LRMDA: variants seen among roughly 807,000 people sequenced by gnomAD.
LRMDA encodes the protein leucine rich melanocyte differentiation associated.
A neutral mutation model predicts 29.8 loss-of-function variants in LRMDA; 18 were observed. The ratio of observed to expected loss-of-function variants is 0.60; its 90% CI spans 0.42 to 0.90. The LOEUF is 0.90. Among genes scored for constraint, LRMDA ranks in the 40% least tolerant of loss-of-function variants. LRMDA has a pLI of 0.00. For synonymous variants in LRMDA, 125 were observed against 109.4 expected (o/e 1.14, Z -0.89); for missense variants, 273 against 273.9 (o/e 1.00, Z 0.02).
At chr10:75,953,236 C>T (rs1456641749) in intron 2 of LRMDA, among the ~76,000 whole-genome samples, 1 of 152,066 alleles carries the variant, frequency 6.6e-6, no homozygotes, top group Non-Finnish European at 1.5e-5. Context: ...CCATGCCCAG[C>T]TAATCGGTTT....
At chr10:75,982,082 C>T (rs1308894515) in intron 2 of LRMDA, among the ~76,000 whole-genome samples, 1 of 152,124 alleles carries the variant, frequency 6.6e-6, no homozygotes, top group Non-Finnish European at 1.5e-5. Context: ...CCCCTGATAT[C>T]CAGCACTCTC....
chr10:75,863,451 T>C (rs1174515168), intron 2 of LRMDA, among the ~76,000 whole-genome samples: 2 of 152,182 alleles, frequency 1.3e-5, no homozygotes, highest in Admixed American at 6.5e-5. Flanking sequence ...TGAGCACTTT[T>C]CTTACAGCTT....
intron 2 of LRMDA, among the ~76,000 whole-genome samples, chr10:75,960,807 G>T (rs945508783): frequency 2.0e-5 from 3 of 151,990 alleles, no homozygotes; most frequent in African/African-American, 7.3e-5. Flanking sequence ...AGTAGAGACT[G>T]GGTTTCACCG....
intron 6 of LRMDA, among the ~76,000 whole-genome samples, chr10:76,486,094 A>T (rs901499256): frequency 4.6e-5 from 7 of 151,922 alleles, no homozygotes; most frequent in Non-Finnish European, 8.8e-5. Flanking sequence ...GAGGAAATAG[A>T]GTGACATATG....
At chr10:76,555,637 TG>T (rs1459906942) in intron 6 of LRMDA, among the ~76,000 whole-genome samples, 1 of 152,210 alleles carries the variant, frequency 6.6e-6, no homozygotes, top group East Asian at 1.9e-4. Context: ...TTGATCCTTA[TG>T]TAAGAATAAG....
At chr10:75,829,306 T>G (rs930084793) in intron 2 of LRMDA, among the ~76,000 whole-genome samples, 3 of 151,974 alleles carry the variant, frequency 2.0e-5, no homozygotes, top group African/African-American at 7.3e-5. Context: ...AGCCCAACAG[T>G]TGAACCCTTC....
chr10:75,765,698 C>T (rs759431478), intron 2 of LRMDA, among the ~76,000 whole-genome samples: 1 of 151,920 alleles, frequency 6.6e-6, no homozygotes, highest in Non-Finnish European at 1.5e-5. Context: ...GTGAAATATA[C>T]AGGGCAGAGG....
intron 2 of LRMDA, among the ~76,000 whole-genome samples, chr10:76,018,151 G>A (rs545339439): frequency 9.5e-4 from 144 of 152,292 alleles, no homozygotes; most frequent in African/African-American, 3.1e-3. Context: ...CAGTTTGCCC[G>A]ACAATAGACA....
intron 1 of LRMDA, among the ~76,000 whole-genome samples, chr10:75,432,238 A>G (rs1456180954): frequency 6.6e-6 from 1 of 152,262 alleles, no homozygotes; most frequent in Non-Finnish European, 1.5e-5. Flanking sequence ...AAAAGTGTCT[A>G]GGGTACCCAA....
intron 2 of LRMDA, among the ~76,000 whole-genome samples, chr10:75,533,186 G>A (rs564636489): frequency 6.6e-6 from 1 of 152,294 alleles, no homozygotes; most frequent in African/African-American, 2.4e-5. Context: ...TCAACTGAGA[G>A]GATAACAAAG....
At chr10:76,137,782 A>AAC (rs1850123673) in intron 5 of LRMDA, among the ~76,000 whole-genome samples, 1 of 149,790 alleles carries the variant, frequency 6.7e-6, no homozygotes, top group African/African-American at 2.5e-5. Context: ...CAAAAAAAAA[A>AAC]AAAACAAACA....
At chr10:76,363,795 T>C (rs1266748273) in intron 6 of LRMDA, among the ~76,000 whole-genome samples, 1 of 152,180 alleles carries the variant, frequency 6.6e-6, no homozygotes, top group Non-Finnish European at 1.5e-5. Context: ...AAAATGACCG[T>C]AACTACGTTG....
At chr10:76,109,362 CA>C (rs1225256298) in intron 5 of LRMDA, among the ~76,000 whole-genome samples, 2 of 152,216 alleles carry the variant, frequency 1.3e-5, no homozygotes, top group Non-Finnish European at 2.9e-5. Context: ...ACAGCAAAAT[CA>C]ATCAAGTCTT....
chr10:75,632,782 GTT>G (rs386371855), intron 2 of LRMDA, among the ~76,000 whole-genome samples: 1 of 43,256 alleles, frequency 2.3e-5, no homozygotes, highest in Non-Finnish European at 4.6e-5. Context: ...GTTTAGTTTA[GTT>G]TTTTTTTTTT....
At chr10:75,913,325 C>T (rs1474281441) in intron 2 of LRMDA, among the ~76,000 whole-genome samples, 4 of 152,108 alleles carry the variant, frequency 2.6e-5, no homozygotes, top group Admixed American at 1.3e-4. Flanking sequence ...TGCATGGTGG[C>T]GCGAGCCTGT....
At chr10:76,172,194 C>A (rs1485459170) in intron 5 of LRMDA, among the ~76,000 whole-genome samples, 3 of 152,304 alleles carry the variant, frequency 2.0e-5, no homozygotes, top group African/African-American at 7.2e-5. Context: ...ACTCAAACAC[C>A]TGCTACTAGG....
chr10:76,185,597 A>T (rs1450616428), intron 5 of LRMDA, among the ~76,000 whole-genome samples: 1 of 152,202 alleles, frequency 6.6e-6, no homozygotes, highest in Admixed American at 6.5e-5. Flanking sequence ...AGCCATAGTG[A>T]ATCCCTGTCT....
At chr10:75,755,230 C>T (rs1170378930) in intron 2 of LRMDA, among the ~76,000 whole-genome samples, 1 of 152,108 alleles carries the variant, frequency 6.6e-6, no homozygotes. Context: ...AGAAAAAAGT[C>T]TTAGTTAAAT....
In LRMDA at chr10:76,211,408, C is replaced by G. The variant is rs1244114142; in HGVS notation, c.517-112993C>G. Among the ~76,000 whole-genome samples, 5 of 152,224 alleles carry G rather than the reference C, an allele frequency of 3.3e-5. 1 individual carries two copies. Among genetic ancestry groups the G allele is most frequent in the South Asian group, 4.1e-4 (2 of 4,830 alleles). On this transcript the variant is annotated intron_variant, in intron 5 of 6. Coordinates refer to ENST00000611255, the MANE Select transcript of LRMDA (RefSeq NM_001305581.2). Reference sequence around the variant, plus strand: ...ACATTCAGCCTTCTCTTGAGTCTTTCTTCCACTCTGCCTTAGACTGGACAC... The same window carrying G: ...ACATTCAGCCTTCTCTTGAGTCTTTGTTCCACTCTGCCTTAGACTGGACAC...
Sources: allele counts gnomAD v4.1 joint callset (sites outside exome capture counted in the v4.1 genomes callset), GRCh38; gene constraint gnomAD v4.1.1; transcripts MANE v1.5; gene names NCBI Gene and HGNC (gene_info 2026-07-23, HGNC 2026-07-21).